The following MARF1 variants were observed in gnomAD, a reference collection of about 807,000 sequenced individuals.
MARF1 encodes limkain-b1.
Under a neutral mutation model 168.2 loss-of-function variants are expected in MARF1, and 24 were observed. The ratio of observed to expected loss-of-function variants is 0.14; its 90% CI spans 0.10 to 0.20. The LOEUF is 0.20. Ranked by LOEUF, MARF1 falls within the 10% of genes least tolerant of loss-of-function variation. The pLI is 1.00. For missense variants in MARF1, 1,744 were observed against 2,143.6 expected, an observed-to-expected ratio of 0.81 and a Z score of 3.68; for synonymous variants, 868 against 822.4, an observed-to-expected ratio of 1.06 and a Z score of -0.95.
intron 4 of MARF1, 85 bp downstream of exon 4, chr16:15,634,672 C>T (rs1428728375): frequency 3.1e-6 from 4 of 1,291,352 alleles, no homozygotes; most frequent in Middle Eastern, 1.9e-4. Context: ...CATAAGGAAT[C>T]CTTCAAAGGT....
At chr16:15,638,719 T>C (rs556430042) in intron 2 of MARF1, among the ~76,000 whole-genome samples, 1 of 152,336 alleles carries the variant, frequency 6.6e-6, no homozygotes, top group Admixed American at 6.5e-5. Flanking sequence ...TTCCCAACCC[T>C]TCCTAGATTA....
At chr16:15,609,811 G>T in intron 19 of MARF1, 86 bp from the exon 20 acceptor site, 1 of 1,126,362 alleles carries the variant, frequency 8.9e-7, no homozygotes, top group South Asian at 1.4e-5. Context: ...ATCCTTTTGG[G>T]AATTTATAAA....
Position 15,631,531 on chromosome 16 carries a change from G to C in MARF1, c.1234-33C>G, listed in dbSNP as rs779350073. 43 of 1,466,924 alleles carry C rather than the reference G, an allele frequency of 2.9e-5. 2 individuals carry two copies. In the South Asian group the frequency reaches 4.9e-4, roughly 17 times the overall value. 90.9% of individuals were successfully genotyped at this position (1,466,924 alleles called of 1,614,324 possible). The stretch of plus-strand genomic sequence containing the variant: ...AATTTATAATAAGGGTGAATAAGCA[G>C]GAGCTGAGGCTAGAAAATTGCTACA... On this transcript the variant is annotated intron_variant, in intron 5 of 26. Transcript: ENST00000396368.
chr16:15,638,415 G>C (rs1337378710), intron 2 of MARF1, among the ~76,000 whole-genome samples: 4 of 151,668 alleles, frequency 2.6e-5, no homozygotes, highest in African/African-American at 4.8e-5. Context: ...GCGAAACCTC[G>C]TCTCCACTAA....
In MARF1 at chr16:15,596,339, A is replaced by G. The variant is rs1470973821; in HGVS notation, c.*354T>C. On this transcript the variant is annotated 3_prime_UTR_variant, in exon 27 of 27. Coordinates refer to ENST00000396368, the MANE Select transcript of MARF1 (RefSeq NM_014647.4). ...AGGATGACACCACCGACGTGGCTCA[A>G]TGGAAGCAAAACCGCTTCCTGCTAG... 1.8e-5 allele frequency: 3 copies of G among 169,350 alleles called. No homozygotes were observed. In the Admixed American group the frequency reaches 1.8e-4, roughly 10 times the overall value. The allele number at this position is 169,350 out of a possible 1,614,324, so 10.5% of individuals were successfully genotyped here.
intron 5 of MARF1, among the ~76,000 whole-genome samples, chr16:15,632,747 A>C (rs536186543): frequency 2.6e-5 from 4 of 152,352 alleles, no homozygotes; most frequent in African/African-American, 9.6e-5. Flanking sequence ...CATTTTAGAC[A>C]AGCAATATGG....
chr16:15,617,189 C>T lies in MARF1; in HGVS notation c.2958-18G>A. The T allele has an allele frequency of 1.2e-6, 2 of 1,613,180 alleles. No individual in the cohort carries two copies. The highest frequency in any genetic ancestry group is 1.1e-5 in the South Asian group (1 of 90,966). ...CATGTTCGCTGAAGAAAAGAGAACA[C>T]AATTGGAAGCTGACATTCCGCAGGG... On this transcript the variant is annotated intron_variant, in intron 14 of 26. Transcript: ENST00000396368.
At chr16:15,624,748 G>A (rs1345246321) in intron 10 of MARF1, 21 bp downstream of exon 10, 1 of 1,607,420 alleles carries the variant, frequency 6.2e-7, no homozygotes, top group Non-Finnish European at 8.5e-7. Context: ...CCACCCCCAT[G>A]GGTCAAGAAG....
intron 26 of MARF1, 81 bp from the exon 27 acceptor site, chr16:15,597,018 T>C: frequency 6.9e-7 from 1 of 1,445,462 alleles, no homozygotes; most frequent in African/African-American, 1.4e-5. Flanking sequence ...TCATATTTTC[T>C]CAAAAGATAA....
In MARF1 at chr16:15,596,815, A is replaced by G. The variant is rs773880140; in HGVS notation, c.5107T>C (p.Ser1703Pro). 5.0e-6 allele frequency: 8 copies of G among 1,614,070 alleles called. No individual in the cohort carries two copies. The Admixed American group carries it at 1.0e-4, about 20-fold the overall frequency. Reference protein sequence around the residue: ...SAAVPVPPCPSSETSESLLSK... With the variant: ...SAAVPVPPCPPSETSESLLSK... Reference sequence around the variant, plus strand: ...AGCAGTGACTCGGAGGTTTCCGAGGAGGGGCAGGGAGGCACGGGGACAGCT... The same window carrying G: ...AGCAGTGACTCGGAGGTTTCCGAGGGGGGGCAGGGAGGCACGGGGACAGCT... Residue 1703 changes from serine to proline, a missense_variant, in exon 27 of 27, where the codon TCC becomes CCC. Coordinates refer to ENST00000396368, the MANE Select transcript of MARF1 (RefSeq NM_014647.4).
intron 15 of MARF1, among the ~76,000 whole-genome samples, chr16:15,616,410 G>C (rs568956377): frequency 6.6e-6 from 1 of 152,162 alleles, no homozygotes; most frequent in Non-Finnish European, 1.5e-5. Flanking sequence ...TGAAATGTAT[G>C]CATATTTGAA....
intron 16 of MARF1, 118 bp downstream of exon 16, chr16:15,615,712 C>T (rs2033991546): frequency 6.3e-6 from 4 of 634,448 alleles, no homozygotes; most frequent in Non-Finnish European, 9.8e-6. Flanking sequence ...TCAAAGGACA[C>T]ATCCATGGTG....
chr16:15,616,138 A>C lies in MARF1; in HGVS notation c.3078-133T>G, dbSNP rs760705018. The C allele has an allele frequency of 3.0e-5, 21 of 710,768 alleles. No individual in the cohort carries two copies. In the Middle Eastern group the frequency reaches 1.6e-3, roughly 55 times the overall value. The allele number at this position is 710,768 out of a possible 1,614,324, so 44.0% of individuals were successfully genotyped here. A position where few individuals can be genotyped will look rare whatever the true frequency, so the allele number is the denominator to read the frequency against. On this transcript the variant is annotated intron_variant, in intron 15 of 26. Coordinates refer to ENST00000396368, the MANE Select transcript of MARF1 (RefSeq NM_014647.4). ...GTCTGAATGCCCACCACCAGGTTTG[A>C]AGGTTAAAATTAAGGACCCAGGGAG... is the stretch of plus-strand genomic sequence containing the variant.
chr16:15,600,302 T>C (rs1567526340), intron 25 of MARF1, 126 bp downstream of exon 25: 4 of 1,254,476 alleles, frequency 3.2e-6, no homozygotes, highest in Non-Finnish European at 3.4e-6. Context: ...CTTTGAAAAA[T>C]GTGTGGCTAT....
chr16:15,622,843 C>T lies in MARF1; in HGVS notation c.2460+91G>A, dbSNP rs2034561647. 31 of 1,038,956 alleles carry T rather than the reference C, an allele frequency of 3.0e-5. No homozygotes were observed. The South Asian group carries it at 4.6e-4, about 15-fold the overall frequency. 64.4% of individuals were successfully genotyped at this position (1,038,956 alleles called of 1,614,324 possible). On this transcript the variant is annotated intron_variant, in intron 11 of 26. Transcript: ENST00000396368. Reference sequence around the variant, plus strand: ...AACTTGTTCAGTCACACTTCTATCCCGGCTGTGGTTATGTATATCAAATTA... The same window carrying T: ...AACTTGTTCAGTCACACTTCTATCCTGGCTGTGGTTATGTATATCAAATTA...
At chr16:15,610,915 C>T in intron 19 of MARF1, 60 bp downstream of exon 19, 1 of 1,535,938 alleles carries the variant, frequency 6.5e-7, no homozygotes, top group African/African-American at 1.4e-5. Context: ...TTCCATGCCA[C>T]ACTATGTTAA....
intron 16 of MARF1, among the ~76,000 whole-genome samples, chr16:15,614,340 G>A (rs571090152): frequency 8.1e-5 from 12 of 148,266 alleles, no homozygotes; most frequent in East Asian, 4.1e-4. Flanking sequence ...AAAAATAGCC[G>A]GGCGTGGTGG....
chr16:15,599,255 C>T (rs966659288), intron 25 of MARF1: 4 of 557,958 alleles, frequency 7.2e-6, no homozygotes, highest in Non-Finnish European at 1.3e-5. Context: ...GATCCGTGTT[C>T]TTAGGAACAC....
chr16:15,597,869 G>A lies in MARF1; in HGVS notation c.4985-932C>T, dbSNP rs912499519. On this transcript the variant is annotated intron_variant, in intron 26 of 26. Transcript: ENST00000396368. ...CTGCACAGGAGCAGGGCATGGTCTA[G>A]GTCTGACTGCACAGGCTGGTTCTAT... 3.9e-5 allele frequency among the ~76,000 whole-genome samples: 6 copies of A among 152,254 alleles called. 1 individual carries two copies. Among genetic ancestry groups the A allele is most frequent in the Admixed American group, 1.3e-4 (2 of 15,292 alleles).
Sources: allele counts gnomAD v4.1 joint callset (sites outside exome capture counted in the v4.1 genomes callset), GRCh38; gene constraint gnomAD v4.1.1; transcripts MANE v1.5; gene names NCBI Gene and HGNC (gene_info 2026-07-23, HGNC 2026-07-21).